The following TBC1D9 variants were observed in gnomAD, a reference collection of about 807,000 sequenced individuals.
TBC1D9 encodes TBC1 domain family member 9A.
In TBC1D9, 63 loss-of-function variants were observed where a neutral mutation model predicts 132.0. That is an observed-to-expected ratio of 0.48 (90% CI 0.39 to 0.59). The LOEUF (loss-of-function observed/expected upper bound fraction) is 0.59, where lower values mean the gene tolerates loss of function less well. TBC1D9 is among the 20% of genes least tolerant of loss of function. The pLI, the probability that TBC1D9 is intolerant of heterozygous loss-of-function variation, is 0.00. For synonymous variants in TBC1D9, 610 were observed against 609.9 expected (o/e 1.00, Z 0.00); for missense variants, 1,261 against 1,592.7 (o/e 0.79, Z 3.54).
intron 18 of TBC1D9, 111 bp from the exon 19 acceptor site, chr4:140,624,499 G>GCAAA (rs5862492): frequency 1.3e-5 from 11 of 843,556 alleles, no homozygotes; most frequent in Admixed American, 3.1e-5. Context: ...GCCTGATTTA[G>GCAAA]CAAACAAACA....
chr4:140,754,489 C>T (rs767068014), intron 1 of TBC1D9, among the ~76,000 whole-genome samples: 16 of 151,740 alleles, frequency 1.1e-4, no homozygotes, highest in Admixed American at 2.6e-4. Context: ...TTGGTGCATG[C>T]CTGTAGTCCC....
chr4:140,693,187 T>A (rs562255281), intron 2 of TBC1D9, among the ~76,000 whole-genome samples: 1 of 152,300 alleles, frequency 6.6e-6, no homozygotes, highest in South Asian at 2.1e-4. Context: ...GGTCTCAAAC[T>A]CCTGGGCTCA....
Position 140,622,189 on chromosome 4 carries a change from C to T in TBC1D9, c.*6G>A. The stretch of plus-strand genomic sequence containing the variant: ...CTCCTCCCACTCCCCCGGGAAGGCG[C>T]CCGTGTCAGCCGGACATGGCCGAGA... On this transcript the variant is annotated 3_prime_UTR_variant, in exon 21 of 21. Coordinates refer to ENST00000442267, the MANE Select transcript of TBC1D9 (RefSeq NM_015130.3). The T allele has an allele frequency of 6.4e-7, 1 of 1,566,566 alleles. No individual in the cohort carries two copies.
chr4:140,704,944 A>G (rs1035001979), intron 1 of TBC1D9, among the ~76,000 whole-genome samples: 22 of 152,216 alleles, frequency 1.4e-4, no homozygotes, highest in South Asian at 1.0e-3. Context: ...ACAGATATAC[A>G]TGTACGTAGC....
At chr4:140,661,867 T>C in intron 10 of TBC1D9, 26 bp downstream of exon 10, 1 of 1,578,520 alleles carries the variant, frequency 6.3e-7, no homozygotes, top group South Asian at 1.1e-5. Context: ...TTTATTTTTT[T>C]AGCAAAAACC....
rs1335878025 is a variant in TBC1D9 at position 140,679,211 on chromosome 4, C to G, written c.590-8G>C. 1 of 1,610,336 alleles carries G rather than the reference C, an allele frequency of 6.2e-7. No individual in the cohort carries two copies. Among genetic ancestry groups the G allele is most frequent in the Admixed American group, 1.7e-5 (1 of 59,894 alleles). ...ACCGGATGACCAGTTTCGCTGAGCA[C>G]AAGGAACAAGCCTGGGTCAACATCT... On this transcript the variant is annotated splice_polypyrimidine_tract_variant and splice_region_variant and intron_variant, in intron 4 of 20. Transcript: ENST00000442267.
chr4:140,722,356 A>T (rs1437142293), intron 1 of TBC1D9, among the ~76,000 whole-genome samples: 2 of 152,246 alleles, frequency 1.3e-5, no homozygotes, highest in Non-Finnish European at 2.9e-5. Flanking sequence ...TAACCTTTCC[A>T]TCTGGTACTG....
intron 2 of TBC1D9, among the ~76,000 whole-genome samples, chr4:140,695,648 A>G (rs774533188): frequency 1.3e-5 from 2 of 152,144 alleles, no homozygotes; most frequent in South Asian, 2.1e-4. Flanking sequence ...TGGAGATCAT[A>G]TAACCAACCC....
At chr4:140,752,384 A>G (rs1409390436) in intron 1 of TBC1D9, among the ~76,000 whole-genome samples, 1 of 152,110 alleles carries the variant, frequency 6.6e-6, no homozygotes, top group Non-Finnish European at 1.5e-5. Flanking sequence ...AAACCAAAAT[A>G]TAGTGTTTAG....
In TBC1D9 at chr4:140,642,767, G is replaced by T. The variant is rs910918450; in HGVS notation, c.2338-3339C>A. On this transcript the variant is annotated intron_variant, in intron 13 of 20. Transcript: ENST00000442267. ...TCCCAGCTCATAGTCATCTGATGTC[G>T]GCAGAGATTTGCTGCTCAGCTTTCC... 4 of 641,004 alleles carry T rather than the reference G, an allele frequency of 6.2e-6. No homozygotes were observed. The East Asian group carries it at 1.0e-4, about 17-fold the overall frequency. The allele number at this position is 641,004 out of a possible 1,614,324, so 39.7% of individuals were successfully genotyped here.
intron 13 of TBC1D9, chr4:140,644,015 G>A (rs1228942216): frequency 2.0e-6 from 1 of 504,046 alleles, no homozygotes; most frequent in African/African-American, 1.9e-5. Context: ...CTGGGATCTT[G>A]GAGGGGGACA....
chr4:140,746,222 G>T (rs1325814680), intron 1 of TBC1D9, among the ~76,000 whole-genome samples: 2 of 152,164 alleles, frequency 1.3e-5, no homozygotes, highest in Non-Finnish European at 2.9e-5. Flanking sequence ...AAACATAGTT[G>T]ATACACAAAC....
intron 9 of TBC1D9, among the ~76,000 whole-genome samples, chr4:140,662,877 CTT>C: frequency 6.6e-6 from 1 of 152,196 alleles, no homozygotes; most frequent in South Asian, 2.1e-4. Context: ...AAAATGAACT[CTT>C]TTTTTATACC....
chr4:140,689,450 C>A (rs1737839794), intron 2 of TBC1D9, among the ~76,000 whole-genome samples: 1 of 55,982 alleles, frequency 1.8e-5, no homozygotes, highest in African/African-American at 7.7e-5. Context: ...CATTCCTTCC[C>A]TTCCCCCCTT....
chr4:140,624,172 T>A lies in TBC1D9; in HGVS notation c.3022A>T (p.Thr1008Ser). 1 of 1,612,158 alleles carries A rather than the reference T, an allele frequency of 6.2e-7. No individual in the cohort carries two copies. Among genetic ancestry groups the A allele is most frequent in the East Asian group, 2.2e-5 (1 of 44,862 alleles). Residue 1008 changes from threonine (T) to serine (S), a missense_variant, in exon 20 of 21, where the codon ACT becomes TCT. Physicochemically the swap from Thr to Ser is moderately conservative, Grantham distance 58 (BLOSUM62 1). Coordinates refer to ENST00000442267, the MANE Select transcript of TBC1D9 (RefSeq NM_015130.3). The stretch of plus-strand genomic sequence containing the variant: ...TTTGACTTAGATTTATTTTCTGGAG[T>A]CCACAGTCTCAAATAATTACGATTT... The part of the protein sequence containing the change: ...QENRNYLRLW[T>S]PENKSKSKNA...
intron 9 of TBC1D9, among the ~76,000 whole-genome samples, chr4:140,665,022 G>A (rs28870450): frequency 6.6e-6 from 1 of 151,244 alleles, no homozygotes; most frequent in Non-Finnish European, 1.5e-5. Context: ...CAGAAGAATC[G>A]CTTGAACCCA....
intron 8 of TBC1D9, 129 bp from the exon 9 acceptor site, chr4:140,669,196 G>A: frequency 1.1e-6 from 1 of 916,276 alleles, no homozygotes; most frequent in Non-Finnish European, 1.6e-6. Flanking sequence ...ATGAGAAAAA[G>A]GAACTCAGAT....
At chr4:140,629,340 T>C (rs918147252) in intron 16 of TBC1D9, among the ~76,000 whole-genome samples, 2 of 152,276 alleles carry the variant, frequency 1.3e-5, no homozygotes, top group African/African-American at 4.8e-5. Context: ...TTTATGTTCA[T>C]ATGTTACTTT....
chr4:140,728,722 G>A (rs190620301), intron 1 of TBC1D9, among the ~76,000 whole-genome samples: 4 of 152,188 alleles, frequency 2.6e-5, no homozygotes, highest in Admixed American at 2.6e-4. Context: ...GAGTGCAGTG[G>A]CTCGATCTCA....
Sources: gnomAD v4.1 joint callset for allele counts (sites outside exome capture counted in the v4.1 genomes callset) on GRCh38, gnomAD v4.1.1 for gene constraint, MANE v1.5 for transcripts, NCBI Gene and HGNC (gene_info 2026-07-23, HGNC 2026-07-21) for gene names.